RHCE: variants seen among roughly 807,000 people sequenced by gnomAD.
The protein encoded by RHCE is blood group Rh(CE) polypeptide.
RHCE carries 22 observed loss-of-function variants against 43.8 expected under a neutral mutation model. The ratio of observed to expected loss-of-function variants is 0.50; its 90% CI spans 0.36 to 0.72. The LOEUF is 0.72. RHCE is among the 30% of genes least tolerant of loss of function. RHCE has a pLI of 0.00. For missense variants in RHCE, 385 were observed against 525.4 expected (o/e 0.73, Z 2.61); for synonymous variants, 156 against 210.7 (o/e 0.74, Z 2.25).
intron 4 of RHCE, among the ~76,000 whole-genome samples, chr1:25,391,520 C>T (rs1347344952): frequency 8.6e-5 from 13 of 151,520 alleles, no homozygotes; most frequent in Admixed American, 3.9e-4. Flanking sequence ...AATGAATGTG[C>T]TGCTTTAACT....
intron 7 of RHCE, among the ~76,000 whole-genome samples, chr1:25,379,508 TTTTTTTTTTTTTTA>T (rs1645927708): frequency 1.1e-5 from 1 of 91,182 alleles, no homozygotes; most frequent in Non-Finnish European, 2.1e-5. Flanking sequence ...TTTTTTTTTT[TTTTTTTTTTTTTTA>T]AAGATGGGAT....
intron 2 of RHCE, among the ~76,000 whole-genome samples, chr1:25,427,450 GGGGAGCT>G (rs1472336501): frequency 6.6e-6 from 1 of 152,244 alleles, no homozygotes; most frequent in African/African-American, 2.4e-5. Flanking sequence ...GTGAAGGTGT[GGGGAGCT>G]GGGGCCTTCT....
intron 3 of RHCE, among the ~76,000 whole-genome samples, chr1:25,401,988 T>G (rs1040320565): frequency 6.6e-6 from 1 of 152,190 alleles, no homozygotes; most frequent in African/African-American, 2.4e-5. Flanking sequence ...GCGATTCTCT[T>G]GCCTCAGCCT....
chr1:25,385,661 T>A, intron 7 of RHCE, 50 bp downstream of exon 7: 1 of 1,613,748 alleles, frequency 6.2e-7, no homozygotes, highest in Non-Finnish European at 8.5e-7. Context: ...CATTTCTTCC[T>A]GAGTTGGAGG....
rs1305036571 is a variant in RHCE at position 25,407,583 on chromosome 1, G to A, written c.335+1100C>T. ...CTGGAATGGCCTTGAGAGGCCTTGAGAGGTCCCTAAGATGCCTAGGATGAC... is the reference window on the plus strand; with the variant it reads ...CTGGAATGGCCTTGAGAGGCCTTGAAAGGTCCCTAAGATGCCTAGGATGAC... On this transcript the variant is annotated intron_variant, in intron 2 of 9. Coordinates refer to ENST00000294413, the MANE Select transcript of RHCE (RefSeq NM_020485.8). 4.8e-5 allele frequency among the ~76,000 whole-genome samples: 6 copies of A among 123,848 alleles called. 2 individuals are homozygous for A. Among genetic ancestry groups the A allele is most frequent in the Non-Finnish European group, 1.1e-4 (6 of 54,166 alleles). 81.2% of individuals were successfully genotyped at this position (123,848 alleles called of 152,430 possible).
chr1:25,369,071 C>T (rs1645522455), intron 9 of RHCE, among the ~76,000 whole-genome samples: 1 of 151,624 alleles, frequency 6.6e-6, no homozygotes, highest in South Asian at 2.1e-4. Context: ...TAAATATGTA[C>T]AATTGATTGT....
At chr1:25,384,388 C>G (rs1487579700) in intron 7 of RHCE, among the ~76,000 whole-genome samples, 2 of 151,852 alleles carry the variant, frequency 1.3e-5, no homozygotes, top group Non-Finnish European at 2.9e-5. Context: ...CCTTCCTTCA[C>G]TGGCTTTTTT....
At position 25,388,009 on chromosome 1, in the gene RHCE, T is replaced by TG. The variant is rs1434232958; in HGVS notation, c.939+966dup. ...CTAATTTTTGTACTTTTAGTAGAGA[T>TG]GGTTTCACCATGTTGGCCAGGCTGG... On this transcript the variant is annotated intron_variant, in intron 6 of 9. Transcript: ENST00000294413. Among the ~76,000 whole-genome samples the TG allele has an allele frequency of 7.2e-5, 11 of 152,090 alleles. No homozygotes were observed. In the South Asian group the frequency reaches 8.3e-4, roughly 11 times the overall value.
chr1:25,387,562 T>C (rs1197623184), intron 6 of RHCE, among the ~76,000 whole-genome samples: 2 of 152,242 alleles, frequency 1.3e-5, no homozygotes, highest in East Asian at 1.9e-4. Context: ...CTGAGCCTGA[T>C]GGTAACTTGC....
intron 6 of RHCE, among the ~76,000 whole-genome samples, chr1:25,386,545 G>A (rs1646168169): frequency 6.6e-6 from 1 of 152,180 alleles, no homozygotes; most frequent in South Asian, 2.1e-4. Context: ...TCCAGGTCGG[G>A]CACGGTGGCT....
intron 9 of RHCE, among the ~76,000 whole-genome samples, chr1:25,366,396 T>TC (rs200495584): frequency 0.1 from 878 of 8,762 alleles, 77 homozygotes; most frequent in African/African-American, 0.22. Context: ...ACTTTTTTTT[T>TC]CTCTTTTGAG....
At position 25,385,953 on chromosome 1, in the gene RHCE, A is replaced by G. The variant is rs142851238; in HGVS notation, c.940-109T>C. ...GCGCCACCAAATGGGGATGGGCACT[A>G]AGGCTCACCTCAAAGAAGCCCTTCT... On this transcript the variant is annotated intron_variant, in intron 6 of 9. Transcript: ENST00000294413. 1,195 of 1,515,738 alleles carry G rather than the reference A, an allele frequency of 7.9e-4. 7 individuals carry two copies. The African/African-American group carries it at 0.01, about 13-fold the overall frequency. 93.9% of individuals were successfully genotyped at this position (1,515,738 alleles called of 1,614,324 possible). A position where few individuals can be genotyped will look rare whatever the true frequency, so the allele number is the denominator to read the frequency against.
intron 7 of RHCE, among the ~76,000 whole-genome samples, chr1:25,375,873 A>G (rs2124338331): frequency 1.5e-5 from 2 of 133,474 alleles, no homozygotes; most frequent in Admixed American, 1.6e-4. Flanking sequence ...TGGTCGGCTC[A>G]CTGCAACCTC....
rs1646383367 is a variant in RHCE at position 25,392,031 on chromosome 1, A to G, written c.597T>C (p.Asp199=). The G allele has an allele frequency of 6.2e-7, 1 of 1,613,970 alleles. No homozygotes were observed. Among genetic ancestry groups the G allele is most frequent in the South Asian group, 1.1e-5 (1 of 91,084 alleles). ...KPLPKGTEDN[D]QRATIPSLSA... ...ACAAACTGGGTATCGTTGCTCTCTG[A>G]TCATTATCCTCCGTTCCCTTGGGTA... Residue 199 remains aspartate (D), a synonymous_variant, in exon 4 of 10, where the codon GAT becomes GAC. Coordinates refer to ENST00000294413, the MANE Select transcript of RHCE (RefSeq NM_020485.8).
intron 2 of RHCE, among the ~76,000 whole-genome samples, chr1:25,427,411 G>T (rs1032090375): frequency 6.6e-6 from 1 of 152,212 alleles, no homozygotes; most frequent in Non-Finnish European, 1.5e-5. Flanking sequence ...TTTGTAAAAT[G>T]GCCACTGCTG....
intron 8 of RHCE, among the ~76,000 whole-genome samples, chr1:25,370,796 T>G (rs1645584635): frequency 6.6e-6 from 1 of 150,934 alleles, no homozygotes; most frequent in Non-Finnish European, 1.5e-5. Flanking sequence ...TCACCCAGGC[T>G]GGAGTACCGT....
chr1:25,427,103 T>C (rs1263800495), intron 2 of RHCE, among the ~76,000 whole-genome samples: 1 of 151,810 alleles, frequency 6.6e-6, no homozygotes, highest in Non-Finnish European at 1.5e-5. Context: ...GTACATGTGT[T>C]AAGAGGTGGC....
In RHCE at chr1:25,385,575, C is replaced by A. The variant is rs1279205405; in HGVS notation, c.1073+136G>T. On this transcript the variant is annotated intron_variant, in intron 7 of 9. Coordinates refer to ENST00000294413, the MANE Select transcript of RHCE (RefSeq NM_020485.8). ...GGCTGGACATAATTTCTGAATAAAT[C>A]AGCCAACAAATATTCACCGAAGCCT... 6.8e-6 allele frequency: 9 copies of A among 1,314,852 alleles called. No homozygotes were observed. In the Admixed American group the frequency reaches 1.5e-4, roughly 22 times the overall value. 81.4% of individuals were successfully genotyped at this position (1,314,852 alleles called of 1,614,324 possible).
intron 1 of RHCE, chr1:25,411,585 T>C (rs775534405): frequency 1.1e-6 from 1 of 886,018 alleles, no homozygotes; most frequent in African/African-American, 1.7e-5. Context: ...ATTTGGGGCG[T>C]GGGTGAGAAG....
Sources: gnomAD v4.1 joint callset for allele counts (sites outside exome capture counted in the v4.1 genomes callset) on GRCh38, gnomAD v4.1.1 for gene constraint, MANE v1.5 for transcripts, NCBI Gene and HGNC (gene_info 2026-07-23, HGNC 2026-07-21) for gene names.